DGUOK: variants seen among roughly 807,000 people sequenced by gnomAD.
The protein encoded by DGUOK is deoxyguanosine kinase, mitochondrial.
In DGUOK, 30 loss-of-function variants were observed where a neutral mutation model predicts 36.6. The observed-to-expected ratio is 0.82, with a 90% CI of 0.61 to 1.11. The LOEUF (loss-of-function observed/expected upper bound fraction) is 1.11. Ranked by LOEUF, DGUOK falls within the 50% of genes most tolerant of loss-of-function variation. The pLI is 0.00. For synonymous variants in DGUOK, 145 were observed against 126.3 expected, an observed-to-expected ratio of 1.15 and a Z score of -0.99; for missense variants, 361 against 336.4, an observed-to-expected ratio of 1.07 and a Z score of -0.57.
intron 2 of DGUOK, among the ~76,000 whole-genome samples, chr2:73,941,168 G>T (rs1326083395): frequency 6.6e-6 from 1 of 152,194 alleles, no homozygotes; most frequent in Admixed American, 6.5e-5. Flanking sequence ...CACACGGAAG[G>T]AACTGAGGCC....
At chr2:73,930,158 G>A (rs531891506) in intron 1 of DGUOK, among the ~76,000 whole-genome samples, 2 of 152,302 alleles carry the variant, frequency 1.3e-5, no homozygotes, top group Middle Eastern at 6.8e-3. Flanking sequence ...CAGAGGGTGT[G>A]GTGGGAACTT....
intron 2 of DGUOK, among the ~76,000 whole-genome samples, chr2:73,941,321 C>T (rs1362276060): frequency 6.6e-6 from 1 of 152,182 alleles, no homozygotes; most frequent in Non-Finnish European, 1.5e-5. Flanking sequence ...AAGCTCCTTC[C>T]CAAATTCCTT....
intron 5 of DGUOK, 113 bp from the exon 6 acceptor site, chr2:73,958,031 GAA>G: frequency 1.2e-6 from 1 of 817,592 alleles, no homozygotes; most frequent in Non-Finnish European, 2.1e-6. Context: ...CAGTTTCTTT[GAA>G]AAGTCATGTT....
At chr2:73,937,620 A>C (rs1322237217) in intron 1 of DGUOK, among the ~76,000 whole-genome samples, 1 of 152,214 alleles carries the variant, frequency 6.6e-6, no homozygotes, top group African/African-American at 2.4e-5. Context: ...GGGATACAGG[A>C]GGAAGCTCAA....
At chr2:73,953,448 T>A (rs555915325) in intron 4 of DGUOK, among the ~76,000 whole-genome samples, 1 of 152,188 alleles carries the variant, frequency 6.6e-6, no homozygotes, top group East Asian at 1.9e-4. Context: ...TGAGATTAGA[T>A]GGGGATTTTA....
intron 1 of DGUOK, among the ~76,000 whole-genome samples, chr2:73,932,137 G>A (rs1681088140): frequency 6.6e-6 from 1 of 152,170 alleles, no homozygotes; most frequent in African/African-American, 2.4e-5. Flanking sequence ...TTGTTGACTG[G>A]TGGGTAGAGG....
chr2:73,926,932 C>G lies in DGUOK; in HGVS notation c.22C>G (p.Leu8Val), dbSNP rs140284468. The change falls in exon 1 of 7, where the codon CTA (leucine) becomes GTA (valine). Residue 8 changes from leucine to valine, a missense_variant. Leu to Val is a conservative substitution (Grantham distance 32, BLOSUM62 1). Transcript: ENST00000264093. MAAGRLF[L>V]SRLRAPFSSM... Reference sequence around the variant, plus strand: ...TGGGATGGCCGCGGGCCGCCTCTTTCTAAGTCGGCTTCGAGCACCCTTCAG... The same window carrying G: ...TGGGATGGCCGCGGGCCGCCTCTTTGTAAGTCGGCTTCGAGCACCCTTCAG... 13 of 1,613,466 alleles carry G rather than the reference C, an allele frequency of 8.1e-6. No individual in the cohort carries two copies. Among genetic ancestry groups the G allele is most frequent in the Non-Finnish European group, 1.0e-5 (12 of 1,180,048 alleles).
chr2:73,926,926 C>A lies in DGUOK; in HGVS notation c.16C>A (p.Leu6Ile). Residue 6 changes from leucine (L) to isoleucine (I), a missense_variant, in exon 1 of 7, where the codon CTC becomes ATC. Transcript: ENST00000264093. MAAGR[L>I]FLSRLRAPFS... is the part of the protein sequence containing the mutation. ...CGTGGGTGGGATGGCCGCGGGCCGC[C>A]TCTTTCTAAGTCGGCTTCGAGCACC... The A allele has an allele frequency of 2.5e-6, 4 of 1,613,568 alleles. No homozygotes were observed. The highest frequency in any genetic ancestry group is 1.3e-5 in the African/African-American group (1 of 75,058).
chr2:73,938,334 A>G (rs1681633760), intron 1 of DGUOK, among the ~76,000 whole-genome samples: 1 of 152,078 alleles, frequency 6.6e-6, no homozygotes, highest in Non-Finnish European at 1.5e-5. Context: ...TTTTCCTAGC[A>G]CCTAACACAA....
At chr2:73,956,979 G>GGTCGCCGTAT in intron 4 of DGUOK, 146 bp from the exon 5 acceptor site, 2 of 504,080 alleles carry the variant, frequency 4.0e-6, no homozygotes, top group Non-Finnish European at 7.4e-6. Flanking sequence ...TCCTCTGATT[G>GGTCGCCGTAT]CATAAGAAAA....
At chr2:73,933,964 T>G (rs1392950161) in intron 1 of DGUOK, among the ~76,000 whole-genome samples, 1 of 152,240 alleles carries the variant, frequency 6.6e-6, no homozygotes, top group East Asian at 1.9e-4. Flanking sequence ...TTATATGTTC[T>G]GACTTTGTTG....
At chr2:73,956,322 T>A (rs1000500953) in intron 4 of DGUOK, among the ~76,000 whole-genome samples, 1 of 152,248 alleles carries the variant, frequency 6.6e-6, no homozygotes, top group Non-Finnish European at 1.5e-5. Context: ...AGTGAATGTT[T>A]GGTATGACAT....
chr2:73,939,819 T>G (rs978483292), intron 2 of DGUOK, among the ~76,000 whole-genome samples: 2 of 152,252 alleles, frequency 1.3e-5, no homozygotes, highest in African/African-American at 4.8e-5. Flanking sequence ...GTTCTACCTC[T>G]TAAGTCTTTT....
chr2:73,945,854 C>T (rs935318378), intron 2 of DGUOK, among the ~76,000 whole-genome samples: 2 of 152,110 alleles, frequency 1.3e-5, no homozygotes, highest in African/African-American at 4.8e-5. Flanking sequence ...GAAACCCTGT[C>T]TCTACTAAAA....
chr2:73,929,898 G>C (rs1680882826), intron 1 of DGUOK, among the ~76,000 whole-genome samples: 1 of 152,134 alleles, frequency 6.6e-6, no homozygotes, highest in African/African-American at 2.4e-5. Flanking sequence ...AATTAGAAGA[G>C]GGTGTGAGTG....
intron 4 of DGUOK, among the ~76,000 whole-genome samples, chr2:73,955,747 G>A (rs1199130847): frequency 3.3e-5 from 5 of 151,982 alleles, no homozygotes; most frequent in African/African-American, 4.8e-5. Flanking sequence ...GGTGGCTCCC[G>A]CCTGTAGTCC....
At position 73,952,900 on chromosome 2, in the gene DGUOK, G is replaced by A. The variant is rs139571917; in HGVS notation, c.591+2168G>A. Among the ~76,000 whole-genome samples, 392 of 152,194 alleles carry A rather than the reference G, an allele frequency of 2.6e-3. 2 individuals carry two copies. Among genetic ancestry groups the A allele is most frequent in the African/African-American group, 9.1e-3 (379 of 41,520 alleles). ...CTGAAACTGGTTAATTTATAAAGAG[G>A]CTTATTTTGGCTCACAGTTATGGAG... On this transcript the variant is annotated intron_variant, in intron 4 of 6. Coordinates refer to ENST00000264093, the MANE Select transcript of DGUOK (RefSeq NM_080916.3).
intron 1 of DGUOK, among the ~76,000 whole-genome samples, chr2:73,937,357 A>G (rs1681549113): frequency 1.3e-5 from 2 of 152,252 alleles, no homozygotes; most frequent in African/African-American, 4.8e-5. Flanking sequence ...GAGAGCTGTC[A>G]AAAGATTGTA....
intron 1 of DGUOK, among the ~76,000 whole-genome samples, chr2:73,933,508 C>G (rs1336717190): frequency 3.9e-5 from 6 of 152,104 alleles, no homozygotes; most frequent in Non-Finnish European, 7.4e-5. Context: ...GCTGAATCAC[C>G]TGGTAGGCAA....
Sources: gnomAD v4.1 joint callset for allele counts (sites outside exome capture counted in the v4.1 genomes callset) on GRCh38, gnomAD v4.1.1 for gene constraint, MANE v1.5 for transcripts, NCBI Gene and HGNC (gene_info 2026-07-23, HGNC 2026-07-21) for gene names.